The following TG variants were observed in gnomAD, a reference collection of about 807,000 sequenced individuals.
TG encodes the protein thyroglobulin, also known as thyroid hormones.
A neutral mutation model predicts 324.7 loss-of-function variants in TG; 270 were observed. That is an observed-to-expected ratio of 0.83 (90% confidence interval 0.75 to 0.92). TG has a LOEUF of 0.92. TG is among the 40% of genes least tolerant of loss of function. The probability of loss-of-function intolerance (pLI) is 0.00; values close to 1 mark genes in which losing one functional copy is unlikely to be tolerated. For synonymous variants in TG, 1,401 were observed against 1,327.0 expected (o/e 1.06, Z -1.21); for missense variants, 3,591 against 3,456.4 (o/e 1.04, Z -0.98).
In TG at chr8:132,871,334, C is replaced by T. The variant is rs1342181985; in HGVS notation, c.275-14C>T. 6.2e-7 allele frequency: 1 copy of T among 1,614,032 alleles called. No homozygotes were observed. Among genetic ancestry groups the T allele is most frequent in the Non-Finnish European group, 8.5e-7 (1 of 1,179,894 alleles). On this transcript the variant is annotated splice_polypyrimidine_tract_variant and intron_variant, in intron 3 of 47. Coordinates refer to ENST00000220616, the MANE Select transcript of TG (RefSeq NM_003235.5). Reference sequence around the variant, plus strand: ...CCCTGCAGTTCTATCTAACATTGCTCCTTGTACCCACAGGTCTGTCATTTT... The same window carrying T: ...CCCTGCAGTTCTATCTAACATTGCTTCTTGTACCCACAGGTCTGTCATTTT...
chr8:133,104,558 C>T (rs1244007128), intron 43 of TG, among the ~76,000 whole-genome samples: 2 of 152,086 alleles, frequency 1.3e-5, no homozygotes. Flanking sequence ...GAGGTCAGGG[C>T]TGTAGATACA....
chr8:132,873,154 C>A lies in TG; in HGVS notation c.571C>A (p.Pro191Thr). 1 of 1,614,080 alleles carries A rather than the reference C, an allele frequency of 6.2e-7. No homozygotes were observed. Among genetic ancestry groups the A allele is most frequent in the Non-Finnish European group, 8.5e-7 (1 of 1,180,002 alleles). ...PQCSAEGEFM[P>T]VQCKFVNTTD... ...GTGTTCTGCGGAGGGAGAGTTTATG[C>A]CTGTCCAGTGCAAATTTGTCAACAC... Residue 191 changes from proline (P) to threonine (T), a missense_variant, in exon 5 of 48, where the codon CCT becomes ACT. By Grantham distance (38) the Pro-to-Thr change is conservative (BLOSUM62 -1). Transcript: ENST00000220616.
intron 43 of TG, among the ~76,000 whole-genome samples, chr8:133,096,652 A>G (rs1436473523): frequency 6.6e-6 from 1 of 152,174 alleles, no homozygotes; most frequent in Non-Finnish European, 1.5e-5. Context: ...TGCAAGTTAG[A>G]ATACCCACAT....
chr8:132,901,337 C>T lies in TG; in HGVS notation c.3434-16C>T. The T allele has an allele frequency of 6.2e-7, 1 of 1,614,044 alleles. No individual in the cohort carries two copies. Among genetic ancestry groups the T allele is most frequent in the Non-Finnish European group, 8.5e-7 (1 of 1,180,018 alleles). On this transcript the variant is annotated splice_polypyrimidine_tract_variant and intron_variant, in intron 15 of 47. Coordinates refer to ENST00000220616, the MANE Select transcript of TG (RefSeq NM_003235.5). ...GGCACTGATTCCCCAGCCCATCTGG[C>T]TTGTCTCTGTGTCAGGCCCAAGCCT...
rs753032118 is a variant in TG, at chr8:132,867,038, C to T, written c.38C>T (p.Ser13Phe). The part of the protein sequence containing the change: ...LVLEIFTLLA[S>F]ICWVSANIFE... The stretch of plus-strand genomic sequence containing the variant: ...CTGGAGATCTTCACCCTGCTGGCCT[C>T]CATCTGCTGGGTGTCGGCCAATATC... Residue 13 changes from serine to phenylalanine, a missense_variant, in exon 1 of 48, where the codon TCC becomes TTC. Physicochemically the swap from Ser to Phe is radical, Grantham distance 155. Coordinates refer to ENST00000220616, the MANE Select transcript of TG (RefSeq NM_003235.5). 6.2e-7 allele frequency: 1 copy of T among 1,602,060 alleles called. No homozygotes were observed. The highest frequency in any genetic ancestry group is 2.2e-5 in the East Asian group (1 of 44,570).
intron 22 of TG, among the ~76,000 whole-genome samples, chr8:132,926,589 T>C (rs1821899349): frequency 6.6e-6 from 1 of 152,240 alleles, no homozygotes; most frequent in African/African-American, 2.4e-5. Flanking sequence ...TGGGATTCTT[T>C]GAAACTATTT....
At chr8:132,914,354 C>T (rs1819985132) in intron 20 of TG, among the ~76,000 whole-genome samples, 1 of 152,140 alleles carries the variant, frequency 6.6e-6, no homozygotes, top group Non-Finnish European at 1.5e-5. Flanking sequence ...GAAGATGTTT[C>T]TCAGTTATTT....
chr8:132,894,398 G>A (rs927457284), intron 11 of TG, among the ~76,000 whole-genome samples: 7 of 151,802 alleles, frequency 4.6e-5, no homozygotes, highest in East Asian at 1.9e-4. Flanking sequence ...ACCTGCATGC[G>A]ACAGAGGCAT....
chr8:132,906,990 C>T, intron 17 of TG, 90 bp downstream of exon 17: 3 of 1,363,450 alleles, frequency 2.2e-6, no homozygotes, highest in Non-Finnish European at 3.0e-6. Context: ...TGCTCCATTT[C>T]CCCACCCAAA....
At chr8:133,105,657 G>T (rs1411951349) in intron 43 of TG, among the ~76,000 whole-genome samples, 1 of 152,128 alleles carries the variant, frequency 6.6e-6, no homozygotes, top group African/African-American at 2.4e-5. Context: ...GAGAGATTTG[G>T]GAATCATTAG....
chr8:133,121,548 G>A (rs1851143774), intron 45 of TG, among the ~76,000 whole-genome samples: 1 of 152,282 alleles, frequency 6.6e-6, no homozygotes, highest in African/African-American at 2.4e-5. Context: ...TATTCTTATG[G>A]AGGCAAAATA....
At chr8:133,075,483 G>GGCAGTTGTTTGAATATATACTGT (rs1328590453) in intron 41 of TG, among the ~76,000 whole-genome samples, 1 of 152,148 alleles carries the variant, frequency 6.6e-6, no homozygotes, top group African/African-American at 2.4e-5. Context: ...ATTATGAGAT[G>GGCAGTTGTTTGAATATATACTGT]GCAGTTGTTT....
intron 41 of TG, among the ~76,000 whole-genome samples, chr8:133,067,790 GAAAA>G (rs1564145104): frequency 7.0e-6 from 1 of 142,374 alleles, no homozygotes. Context: ...AAGAAAGAAA[GAAAA>G]AGAAAGAAAG....
Position 132,867,058 on chromosome 8 carries a change from A to T in TG, c.58A>T (p.Asn20Tyr), listed in dbSNP as rs779612122. The T allele has an allele frequency of 6.3e-6, 10 of 1,599,048 alleles. No homozygotes were observed. The highest frequency in any genetic ancestry group is 8.5e-6 in the Non-Finnish European group (10 of 1,171,542). ...GGCCTCCATCTGCTGGGTGTCGGCC[A>T]ATATCTTCGGTAAGTTCTGAGGCCA... The part of the protein sequence containing the change: ...LLASICWVSA[N>Y]IFEYQVDAQP... Residue 20 changes from asparagine to tyrosine, a missense_variant, in exon 1 of 48, where the codon AAT becomes TAT. Coordinates refer to ENST00000220616, the MANE Select transcript of TG (RefSeq NM_003235.5).
chr8:133,018,394 A>G (rs917838994), intron 38 of TG, among the ~76,000 whole-genome samples: 3 of 152,186 alleles, frequency 2.0e-5, no homozygotes, highest in African/African-American at 7.2e-5. Context: ...GGGTTCACAC[A>G]TCACTGGCAC....
intron 5 of TG, among the ~76,000 whole-genome samples, chr8:132,880,767 T>C (rs1270025053): frequency 3.3e-5 from 5 of 152,354 alleles, no homozygotes; most frequent in Non-Finnish European, 7.4e-5. Context: ...TACATGTATA[T>C]GGCATTTTAT....
intron 43 of TG, among the ~76,000 whole-genome samples, chr8:133,102,161 A>G (rs544648965): frequency 3.3e-5 from 5 of 152,370 alleles, no homozygotes; most frequent in African/African-American, 1.2e-4. Flanking sequence ...TCTTCAGATA[A>G]TTATACACAG....
In TG at chr8:132,888,523, C is replaced by A. The variant is rs1338590316; in HGVS notation, c.2716C>A (p.Gln906Lys). The change falls in exon 10 of 48, where the codon CAA becomes AAA. Residue 906 changes from glutamine to lysine, a missense_variant. Gln to Lys is a moderately conservative substitution (Grantham distance 53). Coordinates refer to ENST00000220616, the MANE Select transcript of TG (RefSeq NM_003235.5). ...CTGCTGGTGTGTGGATGAGGCTGGC[C>A]AAGAACTGGAAGGAATGCGGTCTGA... ...RNCWCVDEAG[Q>K]ELEGMRSEPS... The A allele has an allele frequency of 6.8e-6, 11 of 1,611,242 alleles. No individual in the cohort carries two copies. The highest frequency in any genetic ancestry group is 1.8e-4 in the Middle Eastern group (1 of 5,646).
At chr8:133,055,878 A>T (rs1368136120) in intron 41 of TG, among the ~76,000 whole-genome samples, 1 of 150,724 alleles carries the variant, frequency 6.6e-6, no homozygotes, top group Non-Finnish European at 1.5e-5. Flanking sequence ...AGCAGGGCGC[A>T]CAGCTCTGGG....
Sources: allele counts gnomAD v4.1 joint callset (sites outside exome capture counted in the v4.1 genomes callset), GRCh38; gene constraint gnomAD v4.1.1; transcripts MANE v1.5; gene names NCBI Gene and HGNC (gene_info 2026-07-23, HGNC 2026-07-21).